IKBKB: variants seen among roughly 807,000 people sequenced by gnomAD.
IKBKB encodes the protein inhibitor of nuclear factor kappa B kinase subunit beta.
In IKBKB, 42 loss-of-function variants were observed where a neutral mutation model predicts 113.6. That is an observed-to-expected ratio of 0.37 (90% confidence interval 0.29 to 0.48). The LOEUF is 0.48. Ranked by LOEUF, IKBKB falls within the 20% of genes least tolerant of loss-of-function variation. The pLI is 0.99. For missense variants in IKBKB, 673 were observed against 939.7 expected, an observed-to-expected ratio of 0.72 and a Z score of 3.71; for synonymous variants, 296 against 361.3, an observed-to-expected ratio of 0.82 and a Z score of 2.05.
At chr8:42,285,867 T>C (rs1026969438) in intron 2 of IKBKB, among the ~76,000 whole-genome samples, 4 of 152,130 alleles carry the variant, frequency 2.6e-5, no homozygotes, top group African/African-American at 7.2e-5. Context: ...GACAGGCTAA[T>C]CCGTAGAGAC....
At chr8:42,299,947 T>C (rs1041176261) in intron 5 of IKBKB, among the ~76,000 whole-genome samples, 1 of 152,242 alleles carries the variant, frequency 6.6e-6, no homozygotes, top group Non-Finnish European at 1.5e-5. Flanking sequence ...CAGTGAGGGC[T>C]GACTTCCGGG....
At chr8:42,306,566 A>G (rs954767015) in intron 7 of IKBKB, 134 bp downstream of exon 7, 5 of 642,884 alleles carry the variant, frequency 7.8e-6, no homozygotes, top group African/African-American at 7.3e-5. Flanking sequence ...ATGAGGTCAC[A>G]CCCATAACCT....
chr8:42,326,870 GT>G (rs949253952), intron 20 of IKBKB, among the ~76,000 whole-genome samples: 23 of 152,214 alleles, frequency 1.5e-4, no homozygotes, highest in African/African-American at 5.5e-4. Flanking sequence ...CCTGTGTTTT[GT>G]TTTGTTTGAC....
At chr8:42,305,160 A>G in intron 5 of IKBKB, 27 bp from the exon 6 acceptor site, 1 of 1,550,152 alleles carries the variant, frequency 6.5e-7, no homozygotes, top group Non-Finnish European at 8.9e-7. Context: ...TTTAGGCCTA[A>G]GAAAAACTCA....
intron 2 of IKBKB, among the ~76,000 whole-genome samples, chr8:42,288,106 G>C (rs1811789960): frequency 6.6e-6 from 1 of 152,124 alleles, no homozygotes; most frequent in Admixed American, 6.5e-5. Flanking sequence ...GGTGGGAGAG[G>C]CTGGGTGCGG....
intron 20 of IKBKB, 160 bp downstream of exon 20, chr8:42,326,257 G>A: frequency 1.2e-6 from 1 of 831,072 alleles, no homozygotes. Flanking sequence ...AGTGATACAT[G>A]TTTGGCTCTC....
chr8:42,288,941 G>A (rs184428047), intron 3 of IKBKB, among the ~76,000 whole-genome samples: 9 of 152,286 alleles, frequency 5.9e-5, no homozygotes, highest in Admixed American at 3.3e-4. Flanking sequence ...AAATTAGCCG[G>A]GCATGGGTGG....
At chr8:42,327,339 T>TC (rs1467951920) in intron 20 of IKBKB, among the ~76,000 whole-genome samples, 1 of 146,746 alleles carries the variant, frequency 6.8e-6, no homozygotes, top group African/African-American at 2.5e-5. Context: ...TCTTTTTTTT[T>TC]TTTTTTTTTT....
intron 5 of IKBKB, among the ~76,000 whole-genome samples, chr8:42,295,662 G>A (rs1563321039): frequency 6.6e-6 from 1 of 151,980 alleles, no homozygotes. Context: ...AGGCGGAGAG[G>A]TTGCAGTAAG....
At chr8:42,298,133 T>C (rs1394633306) in intron 5 of IKBKB, 3 of 985,274 alleles carry the variant, frequency 3.0e-6, no homozygotes, top group Non-Finnish European at 1.2e-6. Flanking sequence ...TTGGAAAACA[T>C]TGGCATGTGT....
At chr8:42,319,740 T>G in intron 15 of IKBKB, 94 bp downstream of exon 15, 1 of 1,086,458 alleles carries the variant, frequency 9.2e-7, no homozygotes, top group Non-Finnish European at 1.3e-6. Flanking sequence ...GGTCGATCTC[T>G]GTCAAAAATC....
chr8:42,326,660 G>A (rs1473824525), intron 20 of IKBKB, among the ~76,000 whole-genome samples: 1 of 152,148 alleles, frequency 6.6e-6, no homozygotes, highest in African/African-American at 2.4e-5. Flanking sequence ...ATAAATAACA[G>A]CTTCTCCCTC....
intron 4 of IKBKB, 95 bp from the exon 5 acceptor site, chr8:42,293,348 C>G: frequency 6.7e-7 from 1 of 1,499,190 alleles, no homozygotes; most frequent in Non-Finnish European, 9.2e-7. Flanking sequence ...GGCCCAGGGT[C>G]AGCACTCTGG....
chr8:42,296,262 G>A lies in IKBKB; in HGVS notation c.388+2750G>A, dbSNP rs891826243. On this transcript the variant is annotated intron_variant, in intron 5 of 21. Coordinates refer to ENST00000520810, the MANE Select transcript of IKBKB (RefSeq NM_001556.3). ...CTGTAATCCCAGCACTTTGGGAGGCGGAAGCGGACGGATCACCTGAGGTCA... is the reference window on the plus strand; with the variant it reads ...CTGTAATCCCAGCACTTTGGGAGGCAGAAGCGGACGGATCACCTGAGGTCA... Among the ~76,000 whole-genome samples the A allele has an allele frequency of 8.6e-5, 13 of 151,610 alleles. No individual in the cohort carries two copies. The East Asian group carries it at 1.9e-3, about 23-fold the overall frequency.
chr8:42,317,546 G>C, intron 11 of IKBKB, 111 bp from the exon 12 acceptor site: 3 of 735,222 alleles, frequency 4.1e-6, no homozygotes, highest in Non-Finnish European at 7.3e-6. Context: ...CTTGCTGGCT[G>C]AAGATGATGC....
intron 5 of IKBKB, chr8:42,298,282 T>C (rs1814336036): frequency 1.0e-6 from 1 of 985,398 alleles, no homozygotes; most frequent in Non-Finnish European, 1.2e-6. Flanking sequence ...AATCAGCCTT[T>C]CCTGGATTCT....
Position 42,295,029 on chromosome 8 carries a change from A to ATTTT in IKBKB, c.388+1524_388+1527dup, listed in dbSNP as rs371376259. On this transcript the variant is annotated intron_variant, in intron 5 of 21. Coordinates refer to ENST00000520810, the MANE Select transcript of IKBKB (RefSeq NM_001556.3). ...TTGGTTAAAGCTTTGTCAAGTTATT[A>ATTTT]TTTTTTTTTTGGATGTTTTTCTCTC... Among the ~76,000 whole-genome samples, 4 of 115,922 alleles carry ATTTT rather than the reference A, an allele frequency of 3.5e-5. No individual in the cohort carries two copies. The East Asian group carries it at 7.7e-4, about 22-fold the overall frequency. The allele number at this position is 115,922 out of a possible 152,430, so 76.0% of individuals were successfully genotyped here.
intron 2 of IKBKB, among the ~76,000 whole-genome samples, chr8:42,283,890 C>A (rs989887932): frequency 2.0e-5 from 3 of 152,166 alleles, no homozygotes; most frequent in African/African-American, 7.2e-5. Context: ...TTTGGCTAAA[C>A]CATTGCTTGG....
At chr8:42,302,524 A>G (rs1241444151) in intron 5 of IKBKB, among the ~76,000 whole-genome samples, 2 of 152,170 alleles carry the variant, frequency 1.3e-5, no homozygotes, top group African/African-American at 4.8e-5. Flanking sequence ...TCCAAAATCT[A>G]AAGGGCTGTA....
Sources: gnomAD v4.1 joint callset for allele counts (sites outside exome capture counted in the v4.1 genomes callset) on GRCh38, gnomAD v4.1.1 for gene constraint, MANE v1.5 for transcripts, NCBI Gene and HGNC (gene_info 2026-07-23, HGNC 2026-07-21) for gene names.